The following TPP2 variants were observed in gnomAD, a reference collection of about 807,000 sequenced individuals.
TPP2 encodes the protein tripeptidyl peptidase 2.
In TPP2, 34 loss-of-function variants were observed where a neutral mutation model predicts 155.9. That is an observed-to-expected ratio of 0.22 (90% CI 0.17 to 0.29). The LOEUF (loss-of-function observed/expected upper bound fraction) is 0.29, where lower values mean the gene tolerates loss of function less well. Ranked by LOEUF, TPP2 falls within the 10% of genes least tolerant of loss-of-function variation. The probability of loss-of-function intolerance (pLI) is 1.00; values close to 1 mark genes in which losing one functional copy is unlikely to be tolerated. For synonymous variants in TPP2, 510 were observed against 529.4 expected (o/e 0.96, Z 0.50); for missense variants, 1,028 against 1,522.3 (o/e 0.68, Z 5.40).
intron 28 of TPP2, 72 bp from the exon 29 acceptor site, chr13:102,676,224 T>A (rs1257400805): frequency 7.4e-7 from 1 of 1,348,962 alleles, no homozygotes; most frequent in Non-Finnish European, 1.0e-6. Context: ...AAGCCTTAAT[T>A]TTATGGTTAA....
intron 25 of TPP2, among the ~76,000 whole-genome samples, chr13:102,658,064 ATAT>A (rs1244287570): frequency 6.6e-6 from 1 of 152,206 alleles, no homozygotes; most frequent in Non-Finnish European, 1.5e-5. Context: ...TACATAAAAG[ATAT>A]TAATGCTTTT....
At chr13:102,615,879 C>G (rs912494245) in intron 3 of TPP2, among the ~76,000 whole-genome samples, 5 of 152,158 alleles carry the variant, frequency 3.3e-5, no homozygotes, top group African/African-American at 9.7e-5. Flanking sequence ...GTAAACTTCT[C>G]TTAAACCCTG....
At chr13:102,598,330 T>C (rs1400151861) in intron 1 of TPP2, among the ~76,000 whole-genome samples, 1 of 152,198 alleles carries the variant, frequency 6.6e-6, no homozygotes, top group Non-Finnish European at 1.5e-5. Context: ...GTCCCTTCCC[T>C]TCTGGATCCT....
At position 102,618,827 on chromosome 13, in the gene TPP2, C is replaced by G. The variant is rs1313361745; in HGVS notation, c.601C>G (p.His201Asp). Residue 201 changes from histidine to aspartate, a missense_variant, in exon 5 of 30, where the codon CAT becomes GAT. By Grantham distance (81) the His-to-Asp change is moderately conservative (BLOSUM62 -1). This residue lies in a region of TPP2 where 300 missense variants were observed against 398.3 expected (regional missense o/e 0.75). Coordinates refer to ENST00000376052, the MANE Select transcript of TPP2 (RefSeq NM_001330588.2). Reference protein sequence around the residue: ...PGPVYDCLVWHDGEVWRACID... With the variant: ...PGPVYDCLVWDDGEVWRACID... Reference sequence around the variant, plus strand: ...CCCTGTATATGACTGCTTGGTATGGCATGATGGCGAAGTCTGGAGGTAAAC... The same window carrying G: ...CCCTGTATATGACTGCTTGGTATGGGATGATGGCGAAGTCTGGAGGTAAAC... The G allele has an allele frequency of 6.2e-7, 1 of 1,609,438 alleles. No individual in the cohort carries two copies. Among genetic ancestry groups the G allele is most frequent in the Admixed American group, 1.7e-5 (1 of 58,974 alleles).
At chr13:102,667,827 C>T (rs151153238) in intron 27 of TPP2, 11 of 985,716 alleles carry the variant, frequency 1.1e-5, no homozygotes, top group East Asian at 1.1e-4. Flanking sequence ...CAGCATTTGC[C>T]GAGTCTGCCC....
At chr13:102,602,895 T>A (rs1879536362) in intron 1 of TPP2, among the ~76,000 whole-genome samples, 1 of 151,228 alleles carries the variant, frequency 6.6e-6, no homozygotes, top group Non-Finnish European at 1.5e-5. Flanking sequence ...AGGATGGAGT[T>A]TTTTTGTTTT....
chr13:102,618,963 A>G (rs977155726), intron 5 of TPP2, 117 bp downstream of exon 5: 1 of 1,317,946 alleles, frequency 7.6e-7, no homozygotes, highest in Non-Finnish European at 9.9e-7. Flanking sequence ...TCACTCAGCA[A>G]AATCATTTAA....
At chr13:102,670,051 T>C (rs973319099) in intron 27 of TPP2, among the ~76,000 whole-genome samples, 1 of 152,164 alleles carries the variant, frequency 6.6e-6, no homozygotes, top group Admixed American at 6.5e-5. Flanking sequence ...AACCTCAGCT[T>C]TCTTGAGTGT....
chr13:102,603,068 G>A (rs1879554562), intron 1 of TPP2, among the ~76,000 whole-genome samples: 2 of 152,116 alleles, frequency 1.3e-5, no homozygotes, highest in Non-Finnish European at 2.9e-5. Flanking sequence ...ACAAAAATGT[G>A]TAAAAATATA....
At chr13:102,626,591 C>T (rs1450402562) in intron 6 of TPP2, among the ~76,000 whole-genome samples, 1 of 152,168 alleles carries the variant, frequency 6.6e-6, no homozygotes, top group Non-Finnish European at 1.5e-5. Context: ...ATATGTACTT[C>T]CATCCACACT....
At chr13:102,635,775 T>TTTTG (rs1882335507) in intron 12 of TPP2, 73 bp downstream of exon 12, 1 of 1,182,044 alleles carries the variant, frequency 8.5e-7, no homozygotes, top group African/African-American at 1.5e-5. Flanking sequence ...TTGGGTAATA[T>TTTTG]TTTGTTTTAT....
intron 27 of TPP2, among the ~76,000 whole-genome samples, chr13:102,670,666 C>G (rs1262946561): frequency 1.3e-5 from 2 of 152,196 alleles, no homozygotes; most frequent in Non-Finnish European, 2.9e-5. Flanking sequence ...CTGGGAGAGT[C>G]TAGGGCTGTA....
At chr13:102,666,042 CAG>C (rs1188320748) in intron 27 of TPP2, among the ~76,000 whole-genome samples, 2 of 152,070 alleles carry the variant, frequency 1.3e-5, no homozygotes, top group African/African-American at 4.8e-5. Flanking sequence ...TTAATAATAA[CAG>C]AAAATACAGC....
At chr13:102,644,805 G>T in intron 18 of TPP2, 104 bp from the exon 19 acceptor site, 1 of 1,428,706 alleles carries the variant, frequency 7.0e-7, no homozygotes, top group Non-Finnish European at 9.7e-7. Context: ...TAGGCTTTGT[G>T]TGTGGGTACT....
In TPP2 at chr13:102,623,005, A is replaced by T; in HGVS notation, c.749A>T (p.Asp250Val). 2 of 1,613,810 alleles carry T rather than the reference A, an allele frequency of 1.2e-6. No individual in the cohort carries two copies. The highest frequency in any genetic ancestry group is 1.7e-6 in the Non-Finnish European group (2 of 1,179,952). ...TTGAATTACTCCGTTAATATATACG[A>T]TGATGGAAACCTGCTCTCCATTGTG... ...EMLNYSVNIY[D>V]DGNLLSIVTS... The change falls in exon 6 of 30, where the codon GAT (aspartate) becomes GTT (valine). Residue 250 changes from aspartate (D) to valine (V), a missense_variant. Asp to Val is a radical substitution (Grantham distance 152, BLOSUM62 -3). Around this residue, in one of 7 missense-constraint regions of TPP2, gnomAD observed 300 missense variants for 398.3 expected, o/e 0.75. Coordinates refer to ENST00000376052, the MANE Select transcript of TPP2 (RefSeq NM_001330588.2).
At chr13:102,618,675 T>C (rs755315323) in intron 4 of TPP2, 47 bp from the exon 5 acceptor site, 13 of 1,596,476 alleles carry the variant, frequency 8.1e-6, no homozygotes, top group East Asian at 4.5e-5. Flanking sequence ...ATACAACTTT[T>C]AGAAGGACAG....
At chr13:102,607,974 A>G (rs536675965) in intron 2 of TPP2, 23 of 158,740 alleles carry the variant, frequency 1.4e-4, no homozygotes, top group African/African-American at 7.2e-5. Flanking sequence ...CAAAGGTAGA[A>G]TTATATGTGT....
chr13:102,614,259 A>G, intron 3 of TPP2, 63 bp downstream of exon 3: 1 of 1,346,344 alleles, frequency 7.4e-7, no homozygotes. Flanking sequence ...CTCAGATTTT[A>G]TTCCTACTGA....
intron 27 of TPP2, 95 bp from the exon 28 acceptor site, chr13:102,674,188 T>G: frequency 1.5e-6 from 2 of 1,320,114 alleles, no homozygotes; most frequent in South Asian, 2.9e-5. Flanking sequence ...ATTATAAATC[T>G]TAGGCAAAAG....
Sources: allele counts gnomAD v4.1 joint callset (sites outside exome capture counted in the v4.1 genomes callset), GRCh38; gene constraint gnomAD v4.1.1; regional missense constraint gnomAD v4.1.1; transcripts MANE v1.5; gene names NCBI Gene and HGNC (gene_info 2026-07-23, HGNC 2026-07-21).